Variants in CTDSPL2 observed in about 807,000 individuals in gnomAD.
CTDSPL2 encodes CTD small phosphatase-like protein 2.
CTDSPL2 carries 5 observed loss-of-function variants against 60.0 expected under a neutral mutation model. The observed-to-expected ratio is 0.08, with a 90% CI of 0.04 to 0.18. The LOEUF (loss-of-function observed/expected upper bound fraction) is 0.18. Among genes scored for constraint, CTDSPL2 ranks in the 10% least tolerant of loss-of-function variants. The pLI, the probability that CTDSPL2 is intolerant of heterozygous loss-of-function variation, is 1.00. For missense variants in CTDSPL2, 370 were observed against 548.8 expected, an observed-to-expected ratio of 0.67 and a Z score of 3.26; for synonymous variants, 186 against 189.3, an observed-to-expected ratio of 0.98 and a Z score of 0.14.
At chr15:44,446,050 C>G (rs930595802) in intron 1 of CTDSPL2, among the ~76,000 whole-genome samples, 2 of 151,488 alleles carry the variant, frequency 1.3e-5, no homozygotes, top group African/African-American at 4.9e-5. Context: ...CTCAGCCTCC[C>G]AAGTAGCTGG....
chr15:44,514,521 G>C (rs2081617860), intron 8 of CTDSPL2, 77 bp from the exon 9 acceptor site: 3 of 859,686 alleles, frequency 3.5e-6, no homozygotes, highest in Non-Finnish European at 5.9e-6. Context: ...ATCAAAGTTA[G>C]AATACAGCAC....
chr15:44,476,198 A>T (rs1003780775), intron 2 of CTDSPL2, among the ~76,000 whole-genome samples: 4 of 151,812 alleles, frequency 2.6e-5, no homozygotes, highest in Non-Finnish European at 5.9e-5. Flanking sequence ...CCTCCTGAAT[A>T]GCTGGGACTA....
Position 44,459,006 on chromosome 15 carries a change from C to T in CTDSPL2, c.-9C>T. ...TCTCTTTTAGTTTTACATGTGGCAC[C>T]CATAAAAGATGAGGCTGAGAACACG... On this transcript the variant is annotated 5_prime_UTR_variant, in exon 2 of 13. Transcript: ENST00000260327. 6.6e-7 allele frequency: 1 copy of T among 1,511,066 alleles called. No individual in the cohort carries two copies. The highest frequency in any genetic ancestry group is 1.4e-5 in the South Asian group (1 of 73,646). 93.6% of individuals were successfully genotyped at this position (1,511,066 alleles called of 1,614,324 possible). A position where few individuals can be genotyped will look rare whatever the true frequency, so the allele number is the denominator to read the frequency against.
intron 1 of CTDSPL2, among the ~76,000 whole-genome samples, chr15:44,454,667 CG>C (rs2080398262): frequency 6.6e-6 from 1 of 152,110 alleles, no homozygotes; most frequent in African/African-American, 2.4e-5. Flanking sequence ...TTCCCAGGAC[CG>C]TTTATTAAAT....
chr15:44,433,525 C>T (rs148570365), intron 1 of CTDSPL2, among the ~76,000 whole-genome samples: 65 of 151,782 alleles, frequency 4.3e-4, no homozygotes, highest in African/African-American at 1.1e-3. Context: ...CTCTGTTGCC[C>T]GGGCTGGAGT....
At chr15:44,454,409 G>A (rs2080392670) in intron 1 of CTDSPL2, among the ~76,000 whole-genome samples, 1 of 152,098 alleles carries the variant, frequency 6.6e-6, no homozygotes, top group African/African-American at 2.4e-5. Context: ...TTCTTTTGCT[G>A]TGCAGAAGCT....
chr15:44,522,066 T>C (rs2081788399), intron 12 of CTDSPL2, among the ~76,000 whole-genome samples: 1 of 152,020 alleles, frequency 6.6e-6, no homozygotes, highest in South Asian at 2.1e-4. Context: ...CAGGGTCTTG[T>C]TCTGTCACCC....
chr15:44,444,340 C>G (rs1023003498), intron 1 of CTDSPL2, among the ~76,000 whole-genome samples: 2 of 147,962 alleles, frequency 1.4e-5, no homozygotes, highest in South Asian at 4.3e-4. Flanking sequence ...CACACACACA[C>G]AGACACAGAG....
intron 12 of CTDSPL2, among the ~76,000 whole-genome samples, chr15:44,523,381 C>G (rs1195159146): frequency 6.8e-6 from 1 of 146,032 alleles, no homozygotes; most frequent in Non-Finnish European, 1.5e-5. Context: ...ATAGTGAGAC[C>G]TCATCTCTAC....
chr15:44,462,273 G>T (rs992459414), intron 2 of CTDSPL2, among the ~76,000 whole-genome samples: 2 of 152,078 alleles, frequency 1.3e-5, no homozygotes, highest in Non-Finnish European at 2.9e-5. Context: ...TATACTTTTT[G>T]TCCTTCTTTA....
chr15:44,500,779 C>G (rs944504572), intron 8 of CTDSPL2, among the ~76,000 whole-genome samples: 3 of 152,142 alleles, frequency 2.0e-5, no homozygotes, highest in African/African-American at 4.8e-5. Flanking sequence ...TGGTTCATGG[C>G]TACTTTAACC....
At chr15:44,439,098 G>A (rs1382916267) in intron 1 of CTDSPL2, among the ~76,000 whole-genome samples, 1 of 151,132 alleles carries the variant, frequency 6.6e-6, no homozygotes, top group Non-Finnish European at 1.5e-5. Context: ...TCTTTCCTAA[G>A]CATACTCATT....
chr15:44,521,786 A>T (rs2081774083), intron 12 of CTDSPL2, among the ~76,000 whole-genome samples: 2 of 150,582 alleles, frequency 1.3e-5, no homozygotes, highest in South Asian at 4.2e-4. Context: ...AAAATACAAA[A>T]AATTAGCCGG....
chr15:44,512,410 C>T (rs754984447), intron 8 of CTDSPL2, among the ~76,000 whole-genome samples: 7 of 151,966 alleles, frequency 4.6e-5, no homozygotes, highest in Non-Finnish European at 7.4e-5. Flanking sequence ...ACACTGGCAA[C>T]AAGTAAAAGG....
chr15:44,499,131 C>G (rs1055983048), intron 7 of CTDSPL2, among the ~76,000 whole-genome samples: 5 of 152,038 alleles, frequency 3.3e-5, no homozygotes, highest in African/African-American at 1.2e-4. Context: ...ACATTGTTGC[C>G]AGGCACGGTG....
At chr15:44,434,780 AGTT>A (rs1361423283) in intron 1 of CTDSPL2, among the ~76,000 whole-genome samples, 1 of 152,078 alleles carries the variant, frequency 6.6e-6, no homozygotes, top group Non-Finnish European at 1.5e-5. Flanking sequence ...AGCCTAACTC[AGTT>A]GTTTTATTTT....
chr15:44,437,235 C>T (rs1363174019), intron 1 of CTDSPL2, among the ~76,000 whole-genome samples: 1 of 151,962 alleles, frequency 6.6e-6, no homozygotes, highest in African/African-American at 2.4e-5. Context: ...CTGTATACCA[C>T]TTCTCATTCA....
At chr15:44,468,475 A>G (rs1256532429) in intron 2 of CTDSPL2, among the ~76,000 whole-genome samples, 1 of 152,014 alleles carries the variant, frequency 6.6e-6, no homozygotes, top group African/African-American at 2.4e-5. Context: ...TTTAATATTA[A>G]CTGTTCATTC....
intron 2 of CTDSPL2, among the ~76,000 whole-genome samples, chr15:44,483,761 C>T (rs536575116): frequency 3.3e-5 from 5 of 152,120 alleles, no homozygotes; most frequent in African/African-American, 7.2e-5. Context: ...GTAGGCAGTG[C>T]GGGTGTGGCA....
Sources: allele counts gnomAD v4.1 joint callset (sites outside exome capture counted in the v4.1 genomes callset), GRCh38; gene constraint gnomAD v4.1.1; transcripts MANE v1.5; gene names NCBI Gene and HGNC (gene_info 2026-07-23, HGNC 2026-07-21).